NRG1: variants seen among roughly 807,000 people sequenced by gnomAD.
NRG1 encodes the protein neuregulin 1.
NRG1 carries 18 observed loss-of-function variants against 63.8 expected under a neutral mutation model. The ratio of observed to expected loss-of-function variants is 0.28; its 90% CI spans 0.19 to 0.42. The LOEUF is 0.42. Ranked by LOEUF, NRG1 falls within the 10% of genes least tolerant of loss-of-function variation. The probability of loss-of-function intolerance (pLI) is 1.00; values close to 1 mark genes in which losing one functional copy is unlikely to be tolerated. For synonymous variants in NRG1, 302 were observed against 301.3 expected, an observed-to-expected ratio of 1.00 and a Z score of -0.02; for missense variants, 762 against 814.7, an observed-to-expected ratio of 0.94 and a Z score of 0.79.
At chr8:32,173,830 G>A (rs1343228307) in intron 1 of NRG1, among the ~76,000 whole-genome samples, 2 of 152,130 alleles carry the variant, frequency 1.3e-5, no homozygotes, top group African/African-American at 4.8e-5. Context: ...GGAGCACCCA[G>A]ATTCATAAAG....
At chr8:31,690,362 G>A (rs1809370865) in intron 1 of NRG1, among the ~76,000 whole-genome samples, 1 of 152,198 alleles carries the variant, frequency 6.6e-6, no homozygotes, top group South Asian at 2.1e-4. Flanking sequence ...GCTTCATTAG[G>A]AAGATGCTAT....
intron 1 of NRG1, among the ~76,000 whole-genome samples, chr8:32,088,061 C>T (rs1347852034): frequency 2.0e-5 from 3 of 152,114 alleles, no homozygotes; most frequent in African/African-American, 7.2e-5. Context: ...TGTGCGAATA[C>T]CATCTCCTCT....
chr8:31,655,400 T>C (rs1437808280), intron 1 of NRG1, among the ~76,000 whole-genome samples: 2 of 152,146 alleles, frequency 1.3e-5, no homozygotes, highest in South Asian at 4.1e-4. Flanking sequence ...GTCTGAAAGA[T>C]ACAAGAAGGT....
rs1467775741 is a variant in NRG1, at chr8:31,658,477, T to C, written c.37+19046T>C. 2.0e-5 allele frequency among the ~76,000 whole-genome samples: 3 copies of C among 152,182 alleles called. No individual in the cohort carries two copies. In the East Asian group the frequency reaches 5.8e-4, roughly 29 times the overall value. ...GGTAAGTGCCTTCTTTCTTTCTTTG[T>C]TTTGAGACAGAGTCTTGCTCTGTTG... On this transcript the variant is annotated intron_variant, in intron 1 of 10. Coordinates refer to the NRG1 transcript ENST00000519301.
intron 5 of NRG1, among the ~76,000 whole-genome samples, chr8:32,680,433 T>G (rs1218570555): frequency 1.3e-5 from 2 of 152,280 alleles, no homozygotes; most frequent in East Asian, 1.9e-4. Context: ...TTAATTATAG[T>G]AAATTGATTC....
At chr8:32,682,116 G>GA (rs1435557006) in intron 5 of NRG1, among the ~76,000 whole-genome samples, 1 of 152,134 alleles carries the variant, frequency 6.6e-6, no homozygotes, top group East Asian at 1.9e-4. Flanking sequence ...TGTTATGAGT[G>GA]ACAAAATGAC....
intron 1 of NRG1, among the ~76,000 whole-genome samples, chr8:32,404,586 T>C (rs1220574396): frequency 5.0e-5 from 1 of 20,114 alleles, no homozygotes; most frequent in Non-Finnish European, 9.1e-5. Context: ...CTTCTTCATC[T>C]TTTTTTTTTT....
chr8:32,127,443 A>T (rs1018501797), intron 1 of NRG1, among the ~76,000 whole-genome samples: 5 of 151,656 alleles, frequency 3.3e-5, no homozygotes, highest in African/African-American at 1.2e-4. Flanking sequence ...AATACTCACA[A>T]ATAGTTTAGC....
At chr8:32,363,113 T>C (rs1807451693) in intron 1 of NRG1, among the ~76,000 whole-genome samples, 1 of 152,212 alleles carries the variant, frequency 6.6e-6, no homozygotes, top group African/African-American at 2.4e-5. Flanking sequence ...ATATGCCTCA[T>C]AGTCTGCATC....
intron 1 of NRG1, among the ~76,000 whole-genome samples, chr8:31,839,157 C>G (rs1825956032): frequency 6.6e-6 from 1 of 152,118 alleles, no homozygotes; most frequent in South Asian, 2.1e-4. Context: ...ACTATTTTAG[C>G]CTTATAACTT....
intron 1 of NRG1, among the ~76,000 whole-genome samples, chr8:32,398,253 A>G (rs1812695214): frequency 1.3e-5 from 2 of 152,300 alleles, no homozygotes; most frequent in South Asian, 4.1e-4. Context: ...AAAGAGTTGT[A>G]CAGCGCAGCC....
intron 1 of NRG1, among the ~76,000 whole-genome samples, chr8:32,461,586 T>C (rs1217755251): frequency 6.6e-6 from 1 of 152,002 alleles, no homozygotes; most frequent in African/African-American, 2.4e-5. Flanking sequence ...TAATCCCAGC[T>C]ATTTGGGAGG....
At chr8:31,732,025 C>T (rs1340020853) in intron 1 of NRG1, among the ~76,000 whole-genome samples, 3 of 152,120 alleles carry the variant, frequency 2.0e-5, no homozygotes, top group Non-Finnish European at 4.4e-5. Flanking sequence ...TCTTTTTCCT[C>T]TCAGCACAGA....
At chr8:32,595,984 T>C (rs1386498009) in exon 2 of NRG1, 1 of 1,612,290 alleles carries the variant, frequency 6.2e-7, no homozygotes. Flanking sequence ...CCACAAAATA[T>C]CAAGATACAA....
chr8:31,811,161 G>C (rs1166788127), intron 1 of NRG1, among the ~76,000 whole-genome samples: 3 of 152,204 alleles, frequency 2.0e-5, no homozygotes, highest in Non-Finnish European at 4.4e-5. Context: ...AACTAGACCA[G>C]CTGTTCACAC....
chr8:32,289,301 C>G (rs1379864731), intron 1 of NRG1, among the ~76,000 whole-genome samples: 3 of 152,102 alleles, frequency 2.0e-5, no homozygotes, highest in Non-Finnish European at 4.4e-5. Flanking sequence ...CTCAAGTCTA[C>G]CTATTGCTGT....
intron 1 of NRG1, among the ~76,000 whole-genome samples, chr8:31,921,273 T>C (rs897461565): frequency 6.6e-6 from 1 of 152,170 alleles, no homozygotes; most frequent in Non-Finnish European, 1.5e-5. Flanking sequence ...TTTGTCTAGC[T>C]TATAATGTCT....
At chr8:32,161,444 T>C (rs1638351446) in intron 1 of NRG1, among the ~76,000 whole-genome samples, 1 of 152,188 alleles carries the variant, frequency 6.6e-6, no homozygotes, top group Non-Finnish European at 1.5e-5. Flanking sequence ...ATACAATTAA[T>C]TACGGAAGTT....
chr8:32,269,603 G>C (rs1053306789), intron 1 of NRG1, among the ~76,000 whole-genome samples: 2 of 152,254 alleles, frequency 1.3e-5, no homozygotes, highest in South Asian at 2.1e-4. Context: ...TCTATGACCA[G>C]GTACCTGGGA....
Sources: gnomAD v4.1 joint callset for allele counts (sites outside exome capture counted in the v4.1 genomes callset) on GRCh38, gnomAD v4.1.1 for gene constraint, MANE v1.5 for transcripts, NCBI Gene and HGNC (gene_info 2026-07-23, HGNC 2026-07-21) for gene names.